The following ARHGEF12 variants were observed in gnomAD, a reference collection of about 807,000 sequenced individuals.
The protein encoded by ARHGEF12 is KMT2A/ARHGEF12 fusion protein.
In ARHGEF12, 66 loss-of-function variants were observed where a neutral mutation model predicts 211.2. The observed-to-expected ratio is 0.31, with a 90% confidence interval of 0.26 to 0.38. ARHGEF12 has a LOEUF of 0.38. ARHGEF12 is among the 10% of genes least tolerant of loss of function. ARHGEF12 has a pLI of 1.00. For missense variants in ARHGEF12, 1,429 were observed against 1,869.5 expected (o/e 0.76, Z 4.34); for synonymous variants, 592 against 638.4 (o/e 0.93, Z 1.09).
At chr11:120,350,472 G>A (rs1037859298) in intron 1 of ARHGEF12, among the ~76,000 whole-genome samples, 9 of 149,420 alleles carry the variant, frequency 6.0e-5, no homozygotes, top group African/African-American at 1.2e-4. Flanking sequence ...CTGAGATCAC[G>A]CCACTGCACT....
At chr11:120,376,898 C>G (rs185229775) in intron 1 of ARHGEF12, among the ~76,000 whole-genome samples, 31 of 152,254 alleles carry the variant, frequency 2.0e-4, no homozygotes, top group African/African-American at 6.5e-4. Flanking sequence ...TGAAGTTTGT[C>G]TTTCGGTGTC....
intron 4 of ARHGEF12, chr11:120,411,885 C>G (rs1188582570): frequency 6.6e-6 from 1 of 151,500 alleles, no homozygotes; most frequent in Non-Finnish European, 1.5e-5. Context: ...ATCTCTGTCT[C>G]CTGAGCTCAA....
At chr11:120,442,250 T>G in intron 15 of ARHGEF12, 48 bp downstream of exon 15, 1 of 1,414,234 alleles carries the variant, frequency 7.1e-7, no homozygotes, top group African/African-American at 1.4e-5. Flanking sequence ...TACATGGAAT[T>G]ATTGTCCTCC....
At chr11:120,392,506 T>C (rs997008198) in intron 1 of ARHGEF12, among the ~76,000 whole-genome samples, 6 of 152,188 alleles carry the variant, frequency 3.9e-5, no homozygotes, top group African/African-American at 1.4e-4. Flanking sequence ...TTGGTGTTTG[T>C]GTAACTTTGT....
intron 1 of ARHGEF12, among the ~76,000 whole-genome samples, chr11:120,389,203 C>G (rs1040449378): frequency 1.3e-5 from 2 of 152,170 alleles, no homozygotes; most frequent in Non-Finnish European, 2.9e-5. Context: ...TTTAGAAATA[C>G]TTTCTCCCAG....
intron 1 of ARHGEF12, among the ~76,000 whole-genome samples, chr11:120,379,008 T>C (rs997366317): frequency 1.3e-5 from 2 of 152,114 alleles, no homozygotes; most frequent in African/African-American, 4.8e-5. Context: ...CAGGCTGAGA[T>C]TTTGTGGTTG....
At chr11:120,435,503 CCT>C (rs1400335077) in intron 11 of ARHGEF12, among the ~76,000 whole-genome samples, 1 of 150,112 alleles carries the variant, frequency 6.7e-6, no homozygotes, top group African/African-American at 2.4e-5. Flanking sequence ...TATAACGTCC[CCT>C]GTCAAGCTTT....
chr11:120,437,997 C>G (rs1201221030), intron 12 of ARHGEF12, among the ~76,000 whole-genome samples: 1 of 152,182 alleles, frequency 6.6e-6, no homozygotes, highest in African/African-American at 2.4e-5. Context: ...ACTTAGATTG[C>G]TTCCACTTTT....
intron 1 of ARHGEF12, among the ~76,000 whole-genome samples, chr11:120,347,266 C>CTG (rs1403212586): frequency 3.4e-4 from 46 of 133,592 alleles, no homozygotes; most frequent in Middle Eastern, 3.8e-3. Flanking sequence ...CTCTCTCTCT[C>CTG]TGTCTGTGTG....
chr11:120,451,868 A>G, intron 22 of ARHGEF12, 144 bp downstream of exon 22: 2 of 763,514 alleles, frequency 2.6e-6, no homozygotes, highest in Non-Finnish European at 4.1e-6. Flanking sequence ...AACCAATAAG[A>G]AATCTATGCC....
At chr11:120,400,202 G>C (rs1468419777) in intron 1 of ARHGEF12, among the ~76,000 whole-genome samples, 1 of 151,992 alleles carries the variant, frequency 6.6e-6, no homozygotes, top group Non-Finnish European at 1.5e-5. Flanking sequence ...TGATTAAGGG[G>C]ATTTTTTTCT....
chr11:120,402,193 ATTTTAGGGAATTT>A (rs1369780761), intron 1 of ARHGEF12, among the ~76,000 whole-genome samples: 1 of 152,188 alleles, frequency 6.6e-6, no homozygotes, highest in African/African-American at 2.4e-5. Context: ...AGGCCTTGAA[ATTTTAGGGAATTT>A]TCATTTATAG....
intron 1 of ARHGEF12, among the ~76,000 whole-genome samples, chr11:120,339,627 T>G (rs748352929): frequency 1.1e-4 from 17 of 152,146 alleles, no homozygotes; most frequent in Non-Finnish European, 2.2e-4. Context: ...TGAGTTAGAG[T>G]TCTTTCATTG....
intron 1 of ARHGEF12, among the ~76,000 whole-genome samples, chr11:120,376,601 GT>G (rs1384857117): frequency 6.6e-5 from 10 of 152,022 alleles, no homozygotes; most frequent in African/African-American, 2.4e-4. Flanking sequence ...TCACACTAAG[GT>G]AAATGGGGTA....
rs377349239 is a variant in ARHGEF12, at chr11:120,459,221, G to C, written c.2428G>C (p.Asp810His). Reference protein sequence around the residue: ...RAHVRTLKVLDQVFYQRVSRE... With the variant: ...RAHVRTLKVLHQVFYQRVSRE... ...TCATGTTCGAACACTGAAGGTTCTT[G>C]ATCAAGTGTTCTATCAGCGAGTATC... is the stretch of plus-strand genomic sequence containing the variant. The change falls in exon 26 of 41, where the codon GAT (aspartate) becomes CAT (histidine). Residue 810 changes from aspartate (D) to histidine (H), a missense_variant. This residue lies in a region of ARHGEF12 where 223 missense variants were observed against 444.6 expected (regional missense o/e 0.50). Transcript: ENST00000397843. 6.2e-6 allele frequency: 10 copies of C among 1,613,444 alleles called. No individual in the cohort carries two copies. The African/African-American group carries it at 1.2e-4, about 19-fold the overall frequency.
At chr11:120,448,120 GTTTGA>G in intron 19 of ARHGEF12, 109 bp from the exon 20 acceptor site, 1 of 852,604 alleles carries the variant, frequency 1.2e-6, no homozygotes, top group East Asian at 2.6e-5. Flanking sequence ...TTTAGTGTTT[GTTTGA>G]TTTATTTCAA....
At chr11:120,460,519 A>G (rs1288944434) in intron 26 of ARHGEF12, among the ~76,000 whole-genome samples, 153 bp from the exon 27 acceptor site, 1 of 152,182 alleles carries the variant, frequency 6.6e-6, no homozygotes, top group Non-Finnish European at 1.5e-5. Context: ...ATGTGTAAGC[A>G]CTATGTCCAG....
At chr11:120,431,691 C>A in intron 10 of ARHGEF12, 80 bp from the exon 11 acceptor site, 2 of 1,397,050 alleles carry the variant, frequency 1.4e-6, no homozygotes, top group Non-Finnish European at 9.5e-7. Flanking sequence ...ATTGTAGTAC[C>A]ACTATTTCTT....
At chr11:120,366,641 C>T (rs1461258569) in intron 1 of ARHGEF12, among the ~76,000 whole-genome samples, 2 of 152,202 alleles carry the variant, frequency 1.3e-5, no homozygotes, top group African/African-American at 2.4e-5. Flanking sequence ...TCCCCAGCGT[C>T]TTGACTCAGA....
Sources: gnomAD v4.1 joint callset for allele counts (sites outside exome capture counted in the v4.1 genomes callset) on GRCh38, gnomAD v4.1.1 for gene constraint, gnomAD v4.1.1 regional missense constraint, MANE v1.5 for transcripts, NCBI Gene and HGNC (gene_info 2026-07-23, HGNC 2026-07-21) for gene names.